Variants in COL11A1 observed in about 807,000 individuals in gnomAD.
COL11A1 encodes collagen alpha-1(XI) chain.
COL11A1 carries 74 observed loss-of-function variants against 265.2 expected under a neutral mutation model. The observed-to-expected ratio is 0.28, with a 90% CI of 0.23 to 0.34. The LOEUF (loss-of-function observed/expected upper bound fraction) is 0.34, where lower values mean the gene tolerates loss of function less well. Among genes scored for constraint, COL11A1 ranks in the 10% least tolerant of loss-of-function variants. COL11A1 has a pLI of 1.00. For synonymous variants in COL11A1, 816 were observed against 727.6 expected, an observed-to-expected ratio of 1.12 and a Z score of -1.96; for missense variants, 2,165 against 2,263.6, an observed-to-expected ratio of 0.96 and a Z score of 0.88.
At chr1:102,905,800 A>G (rs1653908273) in intron 54 of COL11A1, among the ~76,000 whole-genome samples, 1 of 152,168 alleles carries the variant, frequency 6.6e-6, no homozygotes, top group Admixed American at 6.5e-5. Context: ...TAAAATCACA[A>G]TATACTATAC....
At position 102,994,261 on chromosome 1, in the gene COL11A1, G is replaced by A. The variant is rs571674501; in HGVS notation, c.2340+1603C>T. Among the ~76,000 whole-genome samples the A allele has an allele frequency of 3.9e-5, 6 of 152,126 alleles. No homozygotes were observed. The East Asian group carries it at 9.7e-4, about 24-fold the overall frequency. ...ACCCACCCAAATCTCATGTTGAAAC[G>A]TAATCCCCAATGTTGAAAGTGGGAC... On this transcript the variant is annotated intron_variant, in intron 28 of 66. Transcript: ENST00000370096.
chr1:102,926,018 CT>C (rs1268749432), intron 46 of COL11A1, among the ~76,000 whole-genome samples: 2 of 151,872 alleles, frequency 1.3e-5, no homozygotes, highest in Admixed American at 6.6e-5. Flanking sequence ...GCATTTTCAT[CT>C]TTTTTATGCA....
At chr1:102,941,747 A>T (rs1279308083) in intron 42 of COL11A1, among the ~76,000 whole-genome samples, 1 of 152,170 alleles carries the variant, frequency 6.6e-6, no homozygotes, top group East Asian at 1.9e-4. Flanking sequence ...CTATAATCTG[A>T]CATACACTAT....
intron 5 of COL11A1, among the ~76,000 whole-genome samples, chr1:103,027,396 AATATATATATATAT>A (rs57013059): frequency 0.1 from 9,321 of 91,800 alleles, 578 homozygotes; most frequent in Middle Eastern, 0.16. Context: ...TTAAAACTCT[AATATATATATATAT>A]ATATATATAT....
Position 102,879,805 on chromosome 1 carries a change from C to G in COL11A1, c.5152G>C (p.Ala1718Pro). The G allele has an allele frequency of 6.2e-7, 1 of 1,613,986 alleles. No homozygotes were observed. Among genetic ancestry groups the G allele is most frequent in the South Asian group, 1.1e-5 (1 of 91,076 alleles). ...QNFTYHCHQS[A>P]AWYDVSSGSY... The stretch of plus-strand genomic sequence containing the variant: ...CCTGATGACACATCATACCAGGCTG[C>G]TGACTGATGACAGTGGTAGGTGAAA... Residue 1718 changes from alanine to proline, a missense_variant, in exon 66 of 67, where the codon GCA becomes CCA. Transcript: ENST00000370096.
intron 3 of COL11A1, among the ~76,000 whole-genome samples, chr1:103,078,247 C>T (rs1045270265): frequency 6.6e-6 from 1 of 152,008 alleles, no homozygotes; most frequent in African/African-American, 2.4e-5. Flanking sequence ...CTGGCCACAC[C>T]CTGGAATCAG....
chr1:103,096,476 G>C (rs1317033328), intron 1 of COL11A1, among the ~76,000 whole-genome samples: 2 of 151,920 alleles, frequency 1.3e-5, no homozygotes, highest in African/African-American at 4.8e-5. Flanking sequence ...TTTCAGGAGA[G>C]GAGTTCTGCA....
intron 4 of COL11A1, among the ~76,000 whole-genome samples, chr1:103,041,333 A>C (rs1668791599): frequency 6.6e-6 from 1 of 151,822 alleles, no homozygotes; most frequent in Non-Finnish European, 1.5e-5. Context: ...ACAATACCAG[A>C]TATTTGGGTA....
intron 5 of COL11A1, 96 bp downstream of exon 5, chr1:103,031,020 A>C (rs1404451021): frequency 1.6e-5 from 22 of 1,375,170 alleles, no homozygotes; most frequent in Admixed American, 1.3e-4. Context: ...AGCATAGCTT[A>C]ATTAAAATGG....
At chr1:102,895,894 T>C (rs530554719) in intron 57 of COL11A1, among the ~76,000 whole-genome samples, 1 of 151,588 alleles carries the variant, frequency 6.6e-6, no homozygotes, top group East Asian at 1.9e-4. Flanking sequence ...TTTGCTTTAA[T>C]AGTCAACAAC....
chr1:102,953,170 T>C lies in COL11A1; in HGVS notation c.3169-6214A>G, dbSNP rs144052711. Among the ~76,000 whole-genome samples the C allele has an allele frequency of 4.3e-3, 653 of 152,344 alleles. 1 individual carries two copies. Among genetic ancestry groups the C allele is most frequent in the Middle Eastern group, 0.014 (4 of 294 alleles). On this transcript the variant is annotated intron_variant, in intron 41 of 66. Coordinates refer to ENST00000370096, the MANE Select transcript of COL11A1 (RefSeq NM_001854.4). The stretch of plus-strand genomic sequence containing the variant: ...TATAATTGTCAGATAAATAAACTAT[T>C]ATATCTAAACTGAATGATTGTCTTT...
chr1:103,000,597 A>T (rs1665015389), intron 24 of COL11A1, among the ~76,000 whole-genome samples: 1 of 151,860 alleles, frequency 6.6e-6, no homozygotes, highest in Admixed American at 6.6e-5. Context: ...AATCAAGAAG[A>T]CAGACAATAA....
chr1:102,980,261 T>TAA (rs947830997), intron 31 of COL11A1, among the ~76,000 whole-genome samples: 18 of 152,216 alleles, frequency 1.2e-4, no homozygotes, highest in African/African-American at 4.1e-4. Flanking sequence ...TAAAATGAAA[T>TAA]GTTTATAAAA....
At chr1:102,921,611 C>G (rs1253437497) in intron 47 of COL11A1, 40 bp from the exon 48 acceptor site, 1 of 1,504,862 alleles carries the variant, frequency 6.6e-7, no homozygotes, top group East Asian at 2.3e-5. Context: ...AGACCAAATT[C>G]AAATGTGTTT....
intron 4 of COL11A1, among the ~76,000 whole-genome samples, chr1:103,036,951 A>G (rs1238196256): frequency 6.6e-6 from 1 of 152,088 alleles, no homozygotes; most frequent in Non-Finnish European, 1.5e-5. Flanking sequence ...AAAATGTAAG[A>G]AAACTAAATA....
chr1:103,013,034 A>T (rs1360640792), intron 13 of COL11A1, among the ~76,000 whole-genome samples: 1 of 152,116 alleles, frequency 6.6e-6, no homozygotes, highest in African/African-American at 2.4e-5. Context: ...CTATTGTTAC[A>T]CTGAATATTA....
At chr1:103,088,950 C>T (rs1673091122) in intron 1 of COL11A1, among the ~76,000 whole-genome samples, 1 of 152,180 alleles carries the variant, frequency 6.6e-6, no homozygotes, top group African/African-American at 2.4e-5. Context: ...ACTCCAAGAG[C>T]CATCTCCAAT....
intron 9 of COL11A1, among the ~76,000 whole-genome samples, chr1:103,021,204 A>T (rs1271556231): frequency 1.3e-5 from 2 of 151,448 alleles, no homozygotes; most frequent in African/African-American, 2.4e-5. Flanking sequence ...ATTTTAAAAG[A>T]TTAATTTGGA....
intron 44 of COL11A1, among the ~76,000 whole-genome samples, chr1:102,937,989 T>C (rs575803552): frequency 4.6e-5 from 7 of 152,332 alleles, no homozygotes; most frequent in Non-Finnish European, 5.9e-5. Context: ...CTATCACCTG[T>C]TTGTTGGTGT....
Sources: gnomAD v4.1 joint callset for allele counts (sites outside exome capture counted in the v4.1 genomes callset) on GRCh38, gnomAD v4.1.1 for gene constraint, MANE v1.5 for transcripts, NCBI Gene and HGNC (gene_info 2026-07-23, HGNC 2026-07-21) for gene names.